Variants in SYT1 observed in about 807,000 individuals in gnomAD.
The protein encoded by SYT1 is synaptotagmin 1, also known as synaptotagmin-1.
In SYT1, 8 loss-of-function variants were observed where a neutral mutation model predicts 44.8. The ratio of observed to expected loss-of-function variants is 0.18; its 90% CI spans 0.10 to 0.32. SYT1 has a LOEUF of 0.32. Ranked by LOEUF, SYT1 falls within the 10% of genes least tolerant of loss-of-function variation. The pLI, the probability that SYT1 is intolerant of heterozygous loss-of-function variation, is 1.00. For synonymous variants in SYT1, 154 were observed against 188.8 expected, an observed-to-expected ratio of 0.82 and a Z score of 1.51; for missense variants, 286 against 509.3, an observed-to-expected ratio of 0.56 and a Z score of 4.22.
At chr12:79,432,650 G>A (rs1267107050) in intron 9 of SYT1, among the ~76,000 whole-genome samples, 1 of 152,024 alleles carries the variant, frequency 6.6e-6, no homozygotes, top group Non-Finnish European at 1.5e-5. Flanking sequence ...GTCTTGTTCT[G>A]TCACCCAGGC....
intron 2 of SYT1, among the ~76,000 whole-genome samples, chr12:78,989,000 G>A (rs1869841660): frequency 6.6e-6 from 1 of 152,090 alleles, no homozygotes; most frequent in African/African-American, 2.4e-5. Flanking sequence ...TGTTTTTAAA[G>A]TAGAACCTAT....
chr12:79,024,608 G>C (rs1225722071), intron 2 of SYT1, among the ~76,000 whole-genome samples: 2 of 151,706 alleles, frequency 1.3e-5, no homozygotes, highest in African/African-American at 4.8e-5. Flanking sequence ...ATGTACCAGA[G>C]TTTCTAATTG....
chr12:79,269,265 C>A (rs1878290794), intron 4 of SYT1, among the ~76,000 whole-genome samples: 1 of 152,024 alleles, frequency 6.6e-6, no homozygotes, highest in South Asian at 2.1e-4. Context: ...TAAATAAAGT[C>A]CCTCTCCATG....
chr12:78,864,390 C>G (rs1041080823), upstream of SYT1: 5 of 149,892 alleles, frequency 3.3e-5, no homozygotes, highest in African/African-American at 1.2e-4. Context: ...ATTATGCTCT[C>G]TTTCTCCTGT....
chr12:79,137,859 T>C (rs937774471), intron 3 of SYT1, among the ~76,000 whole-genome samples: 3 of 152,226 alleles, frequency 2.0e-5, no homozygotes, highest in Non-Finnish European at 4.4e-5. Context: ...TGCTTTTGTA[T>C]TGACAGTGGA....
In SYT1 at chr12:79,285,696, GA is replaced by G. The variant is rs796069313; in HGVS notation, c.167-84del. 4.9e-6 allele frequency: 5 copies of G among 1,015,434 alleles called. No individual in the cohort carries two copies. In the African/African-American group the frequency reaches 6.6e-5, roughly 13 times the overall value. The allele number at this position is 1,015,434 out of a possible 1,614,324, so 62.9% of individuals were successfully genotyped here. A position where few individuals can be genotyped will look rare whatever the true frequency, so the allele number is the denominator to read the frequency against. On this transcript the variant is annotated intron_variant, in intron 4 of 10. Transcript: ENST00000261205. ...ATAACAGGTGCTCAAAAATGCAAAT[GA>G]AAAAAATGAATATCTTTATAGCCCA...
chr12:78,940,281 C>T (rs1346760203), intron 1 of SYT1, among the ~76,000 whole-genome samples: 1 of 152,142 alleles, frequency 6.6e-6, no homozygotes, highest in African/African-American at 2.4e-5. Context: ...TTTCAATTCC[C>T]TATTCCAACA....
intron 8 of SYT1, among the ~76,000 whole-genome samples, chr12:79,330,983 C>T (rs879427493): frequency 2.6e-5 from 4 of 152,270 alleles, no homozygotes; most frequent in African/African-American, 4.8e-5. Flanking sequence ...AGTCCATTTT[C>T]GTTTCCTGCA....
At position 78,994,477 on chromosome 12, in the gene SYT1, TTTC is replaced by T. The variant is rs201412803; in HGVS notation, c.-84+16551_-84+16553del. ...AATTTTTCTTTTTCTTTGTTTTCTT[TTTC>T]TTCTCCTTTTTTTTTTTTTTCTTTT... On this transcript the variant is annotated intron_variant, in intron 2 of 10. Transcript: ENST00000261205. 2.2e-3 allele frequency among the ~76,000 whole-genome samples: 324 copies of T among 149,362 alleles called. 1 individual carries two copies. The highest frequency in any genetic ancestry group is 3.7e-3 in the Admixed American group (54 of 14,638).
chr12:78,900,254 C>A (rs1222871823), intron 1 of SYT1, among the ~76,000 whole-genome samples: 1 of 152,040 alleles, frequency 6.6e-6, no homozygotes, highest in Non-Finnish European at 1.5e-5. Flanking sequence ...TAAATTGACG[C>A]TTTGCCAGGC....
At chr12:78,867,668 A>G (rs1234480892) in intron 1 of SYT1, among the ~76,000 whole-genome samples, 1 of 151,984 alleles carries the variant, frequency 6.6e-6, no homozygotes, top group Non-Finnish European at 1.5e-5. Context: ...AAATCCTAAA[A>G]TACTAATTTC....
intron 3 of SYT1, among the ~76,000 whole-genome samples, chr12:79,162,166 G>A (rs902975859): frequency 6.6e-6 from 1 of 152,098 alleles, no homozygotes; most frequent in Non-Finnish European, 1.5e-5. Context: ...AAGGAATGGT[G>A]AGAACTATTG....
intron 4 of SYT1, among the ~76,000 whole-genome samples, chr12:79,280,985 TA>T (rs76659538): frequency 0.25 from 34,711 of 140,484 alleles, 4,641 homozygotes; most frequent in East Asian, 0.43. Context: ...TAATAAAAAG[TA>T]AAAAAAAAAA....
At chr12:78,973,417 A>G (rs1311700563) in intron 1 of SYT1, among the ~76,000 whole-genome samples, 1 of 152,102 alleles carries the variant, frequency 6.6e-6, no homozygotes, top group Non-Finnish European at 1.5e-5. Flanking sequence ...TAAACACCCC[A>G]GGCCCTGATA....
chr12:79,038,423 C>A (rs925818332), intron 2 of SYT1, among the ~76,000 whole-genome samples: 2 of 151,646 alleles, frequency 1.3e-5, no homozygotes, highest in East Asian at 3.9e-4. Context: ...AATTTAGTTG[C>A]CATACAGTGC....
intron 8 of SYT1, among the ~76,000 whole-genome samples, chr12:79,313,876 A>G (rs1301149959): frequency 1.3e-5 from 2 of 151,970 alleles, no homozygotes; most frequent in Non-Finnish European, 1.5e-5. Context: ...GCTCTCAAAA[A>G]AATATTAGCG....
At chr12:78,984,177 C>T (rs1869481287) in intron 2 of SYT1, among the ~76,000 whole-genome samples, 3 of 151,556 alleles carry the variant, frequency 2.0e-5, no homozygotes, top group Admixed American at 2.0e-4. Flanking sequence ...CCCTTTATTA[C>T]ATCTTAGATT....
intron 1 of SYT1, among the ~76,000 whole-genome samples, chr12:78,891,254 C>T (rs1875036796): frequency 6.6e-6 from 1 of 151,828 alleles, no homozygotes; most frequent in Non-Finnish European, 1.5e-5. Context: ...CTTTTACATG[C>T]TTTTTCTCAT....
chr12:79,063,419 T>C (rs531102671), intron 3 of SYT1, among the ~76,000 whole-genome samples: 1 of 152,276 alleles, frequency 6.6e-6, no homozygotes, highest in East Asian at 1.9e-4. Context: ...GAAAACTATG[T>C]AGGAAATACT....
Sources: allele counts gnomAD v4.1 joint callset (sites outside exome capture counted in the v4.1 genomes callset), GRCh38; gene constraint gnomAD v4.1.1; transcripts MANE v1.5; gene names NCBI Gene and HGNC (gene_info 2026-07-23, HGNC 2026-07-21).